ENPEP: variants seen among roughly 807,000 people sequenced by gnomAD.
The protein encoded by ENPEP is AP-A.
In ENPEP, 103 loss-of-function variants were observed where a neutral mutation model predicts 114.5. The observed-to-expected ratio is 0.90, with a 90% CI of 0.77 to 1.06. ENPEP has a LOEUF of 1.06. Among genes scored for constraint, ENPEP ranks in the 50% least tolerant of loss-of-function variants. The pLI, the probability that ENPEP is intolerant of heterozygous loss-of-function variation, is 0.00. For synonymous variants in ENPEP, 420 were observed against 422.0 expected, an observed-to-expected ratio of 1.00 and a Z score of 0.06; for missense variants, 1,196 against 1,161.3, an observed-to-expected ratio of 1.03 and a Z score of -0.43.
intron 1 of ENPEP, among the ~76,000 whole-genome samples, chr4:110,477,994 T>C (rs573237768): frequency 1.3e-5 from 2 of 152,322 alleles, no homozygotes; most frequent in South Asian, 4.1e-4. Context: ...AAGGCTACAC[T>C]ACACCTTGTG....
rs1724092672 is a variant in ENPEP, at chr4:110,476,288, G to T, written c.-127G>T. The T allele has an allele frequency of 7.7e-6, 9 of 1,172,370 alleles. No individual in the cohort carries two copies. The highest frequency in any genetic ancestry group is 4.8e-5 in the East Asian group (2 of 41,578). The allele number at this position is 1,172,370 out of a possible 1,614,324, so 72.6% of individuals were successfully genotyped here. On this transcript the variant is annotated 5_prime_UTR_variant, in exon 1 of 20. Transcript: ENST00000265162. ...AAGGCGCAAGAAGCCAGAGAGAGGG[G>T]TGTGGGAAAAGCGAAAACAGGCTGC...
chr4:110,514,040 A>C (rs967803201), intron 7 of ENPEP, among the ~76,000 whole-genome samples: 1 of 151,970 alleles, frequency 6.6e-6, no homozygotes, highest in Non-Finnish European at 1.5e-5. Flanking sequence ...GTAGGTGAGG[A>C]TTTTTTCTTC....
chr4:110,556,219 G>C (rs560895601), intron 18 of ENPEP, among the ~76,000 whole-genome samples: 104 of 150,308 alleles, frequency 6.9e-4, no homozygotes, highest in African/African-American at 2.5e-3. Flanking sequence ...TGTGTTTTTT[G>C]CACAAAATGC....
intron 10 of ENPEP, among the ~76,000 whole-genome samples, chr4:110,524,830 C>T (rs1425614493): frequency 6.6e-6 from 1 of 152,182 alleles, no homozygotes; most frequent in Non-Finnish European, 1.5e-5. Flanking sequence ...GAAATCATAG[C>T]TTACTGCAGC....
At position 110,476,305 on chromosome 4, in the gene ENPEP, A is replaced by G; in HGVS notation, c.-110A>G. 2.1e-6 allele frequency: 3 copies of G among 1,403,694 alleles called. No individual in the cohort carries two copies. The highest frequency in any genetic ancestry group is 2.9e-6 in the Non-Finnish European group (3 of 1,044,918). The allele number at this position is 1,403,694 out of a possible 1,614,324, so 87.0% of individuals were successfully genotyped here. A position where few individuals can be genotyped will look rare whatever the true frequency, so the allele number is the denominator to read the frequency against. The stretch of plus-strand genomic sequence containing the variant: ...AGAGAGGGGTGTGGGAAAAGCGAAA[A>G]CAGGCTGCCAAATCAGGGGATTCCT... On this transcript the variant is annotated 5_prime_UTR_variant, in exon 1 of 20. Transcript: ENST00000265162.
At chr4:110,500,220 A>G (rs1725100433) in intron 3 of ENPEP, 1 of 152,184 alleles carries the variant, frequency 6.6e-6, no homozygotes, top group Non-Finnish European at 1.5e-5. Flanking sequence ...AAATGGTTTG[A>G]GACACTTGAA....
rs190661115 is a variant in ENPEP at position 110,508,721 on chromosome 4, G to T, written c.1040-932G>T. Among the ~76,000 whole-genome samples the T allele has an allele frequency of 6.0e-3, 919 of 152,292 alleles. 9 individuals are homozygous for T. The highest frequency in any genetic ancestry group is 7.3e-3 in the Non-Finnish European group (495 of 68,030). On this transcript the variant is annotated intron_variant, in intron 4 of 19. Coordinates refer to ENST00000265162, the MANE Select transcript of ENPEP (RefSeq NM_001977.4). ...AGCTACTCAGGAGGCCGAGGCTGGAGAATGGCGTGAACCCAGGAGGCAGAG... is the reference window on the plus strand; with the variant it reads ...AGCTACTCAGGAGGCCGAGGCTGGATAATGGCGTGAACCCAGGAGGCAGAG...
chr4:110,489,457 A>G (rs1363596628), intron 2 of ENPEP, among the ~76,000 whole-genome samples: 1 of 152,188 alleles, frequency 6.6e-6, no homozygotes, highest in African/African-American at 2.4e-5. Flanking sequence ...TACCTAACGT[A>G]GATGACAGGT....
At chr4:110,506,593 A>G (rs1725375981) in intron 3 of ENPEP, 44 bp from the exon 4 acceptor site, 3 of 1,560,822 alleles carry the variant, frequency 1.9e-6, no homozygotes, top group Non-Finnish European at 2.6e-6. Flanking sequence ...ATTTTGTTGA[A>G]TGAAGAATAA....
In ENPEP at chr4:110,491,097, C is replaced by G. The variant is rs201316974; in HGVS notation, c.851C>G (p.Thr284Arg). The change falls in exon 3 of 20, where the codon ACG (threonine) becomes AGG (arginine). Residue 284 changes from threonine to arginine, a missense_variant. Transcript: ENST00000265162. ...TTTGAGAAGTCTGTCCCCATGAGCA[C>G]GTACCTGGTGTGCTTTGCTGTACAT... ...TTFEKSVPMS[T>R]YLVCFAVHQF... 5.0e-6 allele frequency: 8 copies of G among 1,612,640 alleles called. No homozygotes were observed. In the South Asian group the frequency reaches 7.7e-5, roughly 16 times the overall value.
At chr4:110,538,369 C>A (rs1233931031) in intron 11 of ENPEP, among the ~76,000 whole-genome samples, 1 of 152,208 alleles carries the variant, frequency 6.6e-6, no homozygotes, top group Non-Finnish European at 1.5e-5. Context: ...GAGATGGCTT[C>A]TTTCCTTAAA....
intron 18 of ENPEP, among the ~76,000 whole-genome samples, chr4:110,558,943 A>G (rs1317272258): frequency 6.6e-6 from 1 of 152,200 alleles, no homozygotes; most frequent in East Asian, 1.9e-4. Context: ...AGCAGAATAA[A>G]TAGCCTATAT....
chr4:110,523,752 G>C (rs1560563047), intron 10 of ENPEP, among the ~76,000 whole-genome samples: 1 of 152,208 alleles, frequency 6.6e-6, no homozygotes, highest in Non-Finnish European at 1.5e-5. Context: ...ACATGGAAGA[G>C]GGAGAAAAGG....
At chr4:110,540,911 G>T (rs569858136) in intron 11 of ENPEP, among the ~76,000 whole-genome samples, 1 of 152,146 alleles carries the variant, frequency 6.6e-6, no homozygotes, top group African/African-American at 2.4e-5. Flanking sequence ...GGGGTGAACT[G>T]GGACACAGAG....
At chr4:110,557,944 A>G (rs529518477) in intron 18 of ENPEP, among the ~76,000 whole-genome samples, 59 of 151,204 alleles carry the variant, frequency 3.9e-4, no homozygotes, top group Admixed American at 1.3e-3. Context: ...AGGGTTCTTT[A>G]TATGGCAAAA....
intron 18 of ENPEP, among the ~76,000 whole-genome samples, chr4:110,553,699 T>C: frequency 6.6e-6 from 1 of 152,042 alleles, no homozygotes; most frequent in East Asian, 1.9e-4. Flanking sequence ...AAGACTAAAT[T>C]GCATTATTTT....
At chr4:110,553,013 A>G (rs1727345272) in intron 17 of ENPEP, among the ~76,000 whole-genome samples, 2 of 152,106 alleles carry the variant, frequency 1.3e-5, no homozygotes, top group African/African-American at 4.8e-5. Context: ...TAACATTTTA[A>G]TTTTTAAATT....
chr4:110,559,540 A>G lies in ENPEP; in HGVS notation c.2643-107A>G, dbSNP rs1201320045. 7.5e-6 allele frequency: 6 copies of G among 798,958 alleles called. No homozygotes were observed. In the South Asian group the frequency reaches 1.0e-4, roughly 14 times the overall value. 49.5% of individuals were successfully genotyped at this position (798,958 alleles called of 1,614,324 possible). Reference sequence around the variant, plus strand: ...TTCTTACTGTGTTTTGCTTACTTTGAAAGTTACTTTTAAAAACTATGAAAT... The same window carrying G: ...TTCTTACTGTGTTTTGCTTACTTTGGAAGTTACTTTTAAAAACTATGAAAT... On this transcript the variant is annotated intron_variant, in intron 18 of 19. Coordinates refer to ENST00000265162, the MANE Select transcript of ENPEP (RefSeq NM_001977.4).
At chr4:110,548,501 T>C (rs1236277340) in intron 14 of ENPEP, among the ~76,000 whole-genome samples, 175 bp downstream of exon 14, 2 of 152,020 alleles carry the variant, frequency 1.3e-5, no homozygotes, top group African/African-American at 4.8e-5. Context: ...TCTATTCTTT[T>C]TCAATTTGAA....
Sources: gnomAD v4.1 joint callset for allele counts (sites outside exome capture counted in the v4.1 genomes callset) on GRCh38, gnomAD v4.1.1 for gene constraint, MANE v1.5 for transcripts, NCBI Gene and HGNC (gene_info 2026-07-23, HGNC 2026-07-21) for gene names.